PAQR5: variants seen among roughly 807,000 people sequenced by gnomAD.
The protein encoded by PAQR5 is membrane progestin receptor gamma.
In PAQR5, 20 loss-of-function variants were observed where a neutral mutation model predicts 34.5. The ratio of observed to expected loss-of-function variants is 0.58; its 90% confidence interval spans 0.41 to 0.84. The LOEUF is 0.84. PAQR5 is among the 40% of genes least tolerant of loss of function. The pLI is 0.00. For synonymous variants in PAQR5, 131 were observed against 155.6 expected (o/e 0.84, Z 1.18); for missense variants, 378 against 412.7 (o/e 0.92, Z 0.73).
intron 1 of PAQR5, among the ~76,000 whole-genome samples, chr15:69,302,311 G>A (rs946830058): frequency 5.3e-5 from 8 of 152,068 alleles, no homozygotes; most frequent in Non-Finnish European, 8.8e-5. Context: ...GAGTTCAAGC[G>A]ATCTGTCTGC....
chr15:69,300,841 T>TTTTC (rs541929828), intron 1 of PAQR5, among the ~76,000 whole-genome samples: 214 of 19,562 alleles, frequency 0.011, 45 homozygotes, highest in East Asian at 0.018. Context: ...CTTTAGTTCG[T>TTTTC]TTTCTTTCTT....
chr15:69,367,288 T>C (rs1331646573), intron 3 of PAQR5, among the ~76,000 whole-genome samples: 1 of 152,216 alleles, frequency 6.6e-6, no homozygotes, highest in African/African-American at 2.4e-5. Flanking sequence ...TCTTTTCATA[T>C]GCTATTTTTC....
At chr15:69,375,608 T>C (rs2055685469) in intron 3 of PAQR5, among the ~76,000 whole-genome samples, 1 of 152,196 alleles carries the variant, frequency 6.6e-6, no homozygotes, top group Non-Finnish European at 1.5e-5. Context: ...TGAAGGACAG[T>C]GCACAAGAGG....
rs972868799 is a variant in PAQR5 at position 69,302,507 on chromosome 15, G to A, written c.-277+3451G>A. Among the ~76,000 whole-genome samples, 5 of 152,176 alleles carry A rather than the reference G, an allele frequency of 3.3e-5. No individual in the cohort carries two copies. In the East Asian group the frequency reaches 9.7e-4, roughly 29 times the overall value. ...TGTAGTTGGAGGTGGCCAGTGTCTT[G>A]TTCATCGAAGGCCAGGGCAAAGTGA... On this transcript the variant is annotated intron_variant, in intron 1 of 8. Coordinates refer to ENST00000395407, the MANE Select transcript of PAQR5 (RefSeq NM_017705.4).
chr15:69,316,398 G>A (rs2053951177), intron 1 of PAQR5, among the ~76,000 whole-genome samples: 1 of 151,902 alleles, frequency 6.6e-6, no homozygotes. Context: ...TTTAAATAAT[G>A]CATTTTGCCT....
rs973463839 is a variant in PAQR5, at chr15:69,404,661, T to C, written c.*839T>C. The C allele has an allele frequency of 1.3e-5, 4 of 311,588 alleles. No homozygotes were observed. Among genetic ancestry groups the C allele is most frequent in the African/African-American group, 8.6e-5 (4 of 46,678 alleles). The allele number at this position is 311,588 out of a possible 1,614,324, so 19.3% of individuals were successfully genotyped here. On this transcript the variant is annotated 3_prime_UTR_variant, in exon 9 of 9. Coordinates refer to ENST00000395407, the MANE Select transcript of PAQR5 (RefSeq NM_017705.4). ...CCTTTTAAACCAATGGAAATTGCTA[T>C]ATTTGGGGATGTCATACATTTGATA...
Position 69,395,714 on chromosome 15 carries a change from A to G in PAQR5, c.513-1754A>G, listed in dbSNP as rs553609512. On this transcript the variant is annotated intron_variant, in intron 6 of 8. Transcript: ENST00000395407. ...CAGGATTTGAACCCAGTGTGTCCCAATCAAGCTCTCCACATAAAATCACAG... is the reference window on the plus strand; with the variant it reads ...CAGGATTTGAACCCAGTGTGTCCCAGTCAAGCTCTCCACATAAAATCACAG... Among the ~76,000 whole-genome samples the G allele has an allele frequency of 6.4e-4, 97 of 152,194 alleles. 1 individual carries two copies. The highest frequency in any genetic ancestry group is 1.2e-3 in the Non-Finnish European group (79 of 68,012).
intron 1 of PAQR5, among the ~76,000 whole-genome samples, chr15:69,300,331 A>G (rs912766060): frequency 2.2e-4 from 34 of 152,200 alleles, no homozygotes; most frequent in African/African-American, 7.2e-4. Context: ...TGCCGTAGCA[A>G]TAGTACCTGG....
chr15:69,355,276 TCTCTTTCTTTCTTTTCTTTCTTTC>T (rs2055026180), intron 2 of PAQR5, among the ~76,000 whole-genome samples: 1 of 151,864 alleles, frequency 6.6e-6, no homozygotes, highest in Admixed American at 6.6e-5. Flanking sequence ...GTCTTCTTTC[TCTCTTTCTTTCTTTTCTTTCTTTC>T]TTTCTTTCTT....
intron 3 of PAQR5, among the ~76,000 whole-genome samples, chr15:69,363,795 C>G (rs1227149821): frequency 6.6e-6 from 1 of 152,058 alleles, no homozygotes; most frequent in African/African-American, 2.4e-5. Flanking sequence ...CTCAAGTGAT[C>G]CGCCTGCCTC....
intron 2 of PAQR5, among the ~76,000 whole-genome samples, chr15:69,352,869 T>A (rs1052986404): frequency 6.6e-6 from 1 of 152,004 alleles, no homozygotes. Flanking sequence ...GGGGAAGAGG[T>A]ATGTGGATGG....
intron 5 of PAQR5, among the ~76,000 whole-genome samples, chr15:69,387,234 G>T (rs192888775): frequency 6.6e-6 from 1 of 152,170 alleles, no homozygotes; most frequent in Admixed American, 6.5e-5. Flanking sequence ...TCGGTTGCCC[G>T]CCCCGGACTT....
intron 1 of PAQR5, among the ~76,000 whole-genome samples, chr15:69,319,969 G>C (rs946537141): frequency 6.6e-6 from 1 of 152,216 alleles, no homozygotes; most frequent in African/African-American, 2.4e-5. Context: ...CCACAGGCTG[G>C]CAGCTTTATC....
chr15:69,357,161 A>G (rs1297532986), intron 2 of PAQR5, among the ~76,000 whole-genome samples: 6 of 152,064 alleles, frequency 3.9e-5, no homozygotes. Flanking sequence ...CCTCCCTAGA[A>G]GCCAAGCAGA....
chr15:69,328,328 A>C (rs1222019925), intron 1 of PAQR5, among the ~76,000 whole-genome samples: 1 of 152,250 alleles, frequency 6.6e-6, no homozygotes, highest in Non-Finnish European at 1.5e-5. Flanking sequence ...GGCTAAGACC[A>C]AGGCTGAGAA....
chr15:69,371,790 A>G (rs773403776), intron 3 of PAQR5, among the ~76,000 whole-genome samples: 1 of 152,270 alleles, frequency 6.6e-6, no homozygotes, highest in Non-Finnish European at 1.5e-5. Flanking sequence ...CCCTTTAAAA[A>G]TGGAATAGCC....
intron 1 of PAQR5, among the ~76,000 whole-genome samples, chr15:69,322,342 G>T (rs1316136606): frequency 6.7e-6 from 1 of 149,152 alleles, no homozygotes; most frequent in Non-Finnish European, 1.5e-5. Context: ...ACAAAAATCA[G>T]CTGGGCGCGG....
At chr15:69,300,243 C>A (rs1486052160) in intron 1 of PAQR5, among the ~76,000 whole-genome samples, 1 of 152,184 alleles carries the variant, frequency 6.6e-6, no homozygotes, top group Non-Finnish European at 1.5e-5. Flanking sequence ...CAAGAGCCAG[C>A]CAGAGCCTTG....
At chr15:69,364,003 A>G (rs1177464819) in intron 3 of PAQR5, among the ~76,000 whole-genome samples, 1 of 152,224 alleles carries the variant, frequency 6.6e-6, no homozygotes, top group Non-Finnish European at 1.5e-5. Flanking sequence ...CGCCGTTTCC[A>G]GACTTGCACT....
Sources: gnomAD v4.1 joint callset for allele counts (sites outside exome capture counted in the v4.1 genomes callset) on GRCh38, gnomAD v4.1.1 for gene constraint, MANE v1.5 for transcripts, NCBI Gene and HGNC (gene_info 2026-07-23, HGNC 2026-07-21) for gene names.